The following RAB32 variants were observed in gnomAD, a reference collection of about 807,000 sequenced individuals.
RAB32 encodes the protein RAB32, member RAS oncogene family.
In RAB32, 17 loss-of-function variants were observed where a neutral mutation model predicts 17.5. That is an observed-to-expected ratio of 0.97 (90% confidence interval 0.67 to 1.46). RAB32 has a LOEUF of 1.46. Among genes scored for constraint, RAB32 ranks in the 40% most tolerant of loss-of-function variants. RAB32 has a pLI of 0.00. For missense variants in RAB32, 288 were observed against 284.3 expected, an observed-to-expected ratio of 1.01 and a Z score of -0.09; for synonymous variants, 115 against 111.1, an observed-to-expected ratio of 1.04 and a Z score of -0.22.
chr6:146,550,663 A>AG (rs1159976021), intron 2 of RAB32, among the ~76,000 whole-genome samples: 1 of 150,564 alleles, frequency 6.6e-6, no homozygotes, highest in Non-Finnish European at 1.5e-5. Context: ...TCTCAAAAAA[A>AG]AAAAAATCTT....
In RAB32 at chr6:146,554,557, G is replaced by C. The variant is rs1199601420; in HGVS notation, c.630G>C (p.Lys210Asn). 2 of 1,613,682 alleles carry C rather than the reference G, an allele frequency of 1.2e-6. No homozygotes were observed. The highest frequency in any genetic ancestry group is 1.7e-6 in the Non-Finnish European group (2 of 1,179,830). The stretch of plus-strand genomic sequence containing the variant: ...AAGAAAACGATGTGGACAAAATTAA[G>C]CTAGATCAAGAGACCTTGAGAGCAG... ...PNEENDVDKIKLDQETLRAEN... is the reference protein window; with the variant it reads ...PNEENDVDKINLDQETLRAEN... Residue 210 changes from lysine to asparagine, a missense_variant, in exon 3 of 3, where the codon AAG (lysine) becomes AAC (asparagine). Coordinates refer to ENST00000367495, the MANE Select transcript of RAB32 (RefSeq NM_006834.5).
Position 146,552,652 on chromosome 6 carries a change from A to G in RAB32, c.529-1804A>G, listed in dbSNP as rs185333145. Among the ~76,000 whole-genome samples the G allele has an allele frequency of 4.1e-3, 621 of 152,334 alleles. 5 individuals carry two copies. Among genetic ancestry groups the G allele is most frequent in the African/African-American group, 0.014 (568 of 41,578 alleles). On this transcript the variant is annotated intron_variant, in intron 2 of 2. Transcript: ENST00000367495. ...AGTTGATACAGATGCATGTGTGTATACATACGTTTATTTACTAGCCATACC... is the reference window on the plus strand; with the variant it reads ...AGTTGATACAGATGCATGTGTGTATGCATACGTTTATTTACTAGCCATACC...
In RAB32 at chr6:146,554,749, A is replaced by G; in HGVS notation, c.*144A>G. ...ACTGGGCGCCTGCACTTATTTGAAA[A>G]TGGAACTTTGGGAGAAGTATCCCTG... On this transcript the variant is annotated 3_prime_UTR_variant, in exon 3 of 3. Transcript: ENST00000367495. The G allele has an allele frequency of 2.5e-6, 2 of 812,626 alleles. No homozygotes were observed. The highest frequency in any genetic ancestry group is 3.7e-6 in the Non-Finnish European group (2 of 540,962). 50.3% of individuals were successfully genotyped at this position (812,626 alleles called of 1,614,324 possible). A position where few individuals can be genotyped will look rare whatever the true frequency, so the allele number is the denominator to read the frequency against.
rs764441357 is a variant in RAB32, at chr6:146,549,746, G to T, written c.528+5G>T. 8.1e-6 allele frequency: 13 copies of T among 1,611,756 alleles called. No homozygotes were observed. The highest frequency in any genetic ancestry group is 1.7e-4 in the Middle Eastern group (1 of 6,040). ...TGGTTTGAAACCTCTGCAAAGGTGA[G>T]ATCTGCTTTGCTTATGCATCTTTTG... On this transcript the variant is annotated splice_donor_5th_base_variant and intron_variant, in intron 2 of 2. Coordinates refer to ENST00000367495, the MANE Select transcript of RAB32 (RefSeq NM_006834.5).
chr6:146,544,882 C>T (rs1206630164), intron 1 of RAB32, among the ~76,000 whole-genome samples: 2 of 145,332 alleles, frequency 1.4e-5, no homozygotes, highest in Non-Finnish European at 3.0e-5. Context: ...AACACTTGAA[C>T]TTTGCCTGGT....
At chr6:146,549,796 G>A in intron 2 of RAB32, 55 bp downstream of exon 2, 2 of 1,534,180 alleles carry the variant, frequency 1.3e-6, no homozygotes, top group Non-Finnish European at 8.9e-7. Flanking sequence ...ATTCTGAGCT[G>A]TAAATGTAAA....
chr6:146,549,761 T>C lies in RAB32; in HGVS notation c.528+20T>C. ...GCAAAGGTGAGATCTGCTTTGCTTATGCATCTTTTGCTTTCTAGCTCATAA... is the reference window on the plus strand; with the variant it reads ...GCAAAGGTGAGATCTGCTTTGCTTACGCATCTTTTGCTTTCTAGCTCATAA... On this transcript the variant is annotated intron_variant, in intron 2 of 2. Transcript: ENST00000367495. 1 of 1,602,986 alleles carries C rather than the reference T, an allele frequency of 6.2e-7. No homozygotes were observed. Among genetic ancestry groups the C allele is most frequent in the Non-Finnish European group, 8.5e-7 (1 of 1,173,088 alleles).
chr6:146,554,491 A>G lies in RAB32; in HGVS notation c.564A>G (p.Leu188=), dbSNP rs1779935095. 2 of 1,613,430 alleles carry G rather than the reference A, an allele frequency of 1.2e-6. No individual in the cohort carries two copies. The highest frequency in any genetic ancestry group is 1.7e-6 in the Non-Finnish European group (2 of 1,179,696). The change falls in exon 3 of 3, where the codon CTA becomes CTG. Residue 188 remains leucine (L), a synonymous_variant. Coordinates refer to ENST00000367495, the MANE Select transcript of RAB32 (RefSeq NM_006834.5). ...NINIEEAARF[L]VEKILVNHQS... is the part of the protein sequence containing the mutation. ...ACATAGAGGAAGCTGCCCGGTTCCT[A>G]GTGGAGAAGATTCTTGTAAACCACC... is the stretch of plus-strand genomic sequence containing the variant.
intron 1 of RAB32, among the ~76,000 whole-genome samples, chr6:146,548,371 A>T (rs1183408504): frequency 6.6e-6 from 1 of 152,220 alleles, no homozygotes; most frequent in African/African-American, 2.4e-5. Context: ...GAAGAATTTT[A>T]TATTTTGGGG....
At chr6:146,546,444 A>C (rs987047692) in intron 1 of RAB32, among the ~76,000 whole-genome samples, 10 of 145,740 alleles carry the variant, frequency 6.9e-5, no homozygotes, top group Admixed American at 2.0e-4. Context: ...AAAAAAAAAC[A>C]AAAAAAACTG....
At position 146,543,847 on chromosome 6, in the gene RAB32, G is replaced by A; in HGVS notation, c.-25G>A. On this transcript the variant is annotated 5_prime_UTR_variant, in exon 1 of 3. Coordinates refer to ENST00000367495, the MANE Select transcript of RAB32 (RefSeq NM_006834.5). ...GGCAGGGGGCCAGACTCGGAGTCGA[G>A]GCGCGCCCGACAGCCGCAGCGCTCA... The A allele has an allele frequency of 4.4e-6, 6 of 1,355,074 alleles. No individual in the cohort carries two copies. Among genetic ancestry groups the A allele is most frequent in the Non-Finnish European group, 5.7e-6 (6 of 1,052,580 alleles). 83.9% of individuals were successfully genotyped at this position (1,355,074 alleles called of 1,614,324 possible). A position where few individuals can be genotyped will look rare whatever the true frequency, so the allele number is the denominator to read the frequency against.
At chr6:146,546,217 CA>C (rs1779817082) in intron 1 of RAB32, among the ~76,000 whole-genome samples, 1 of 151,910 alleles carries the variant, frequency 6.6e-6, no homozygotes, top group Non-Finnish European at 1.5e-5. Context: ...GGAAGGAAAA[CA>C]AAAGTTTAAG....
rs199705404 is a variant in RAB32, at chr6:146,550,725, G to T, written c.528+984G>T. 2.0e-4 allele frequency among the ~76,000 whole-genome samples: 20 copies of T among 101,710 alleles called. No homozygotes were observed. The South Asian group carries it at 2.3e-3, about 12-fold the overall frequency. The allele number at this position is 101,710 out of a possible 152,430, so 66.7% of individuals were successfully genotyped here. A position where few individuals can be genotyped will look rare whatever the true frequency, so the allele number is the denominator to read the frequency against. On this transcript the variant is annotated intron_variant, in intron 2 of 2. Coordinates refer to ENST00000367495, the MANE Select transcript of RAB32 (RefSeq NM_006834.5). ...AAAATTATACATATATAAAATGTTTGGGGGGGGGGTTACGTGCATTGGAAC... is the reference window on the plus strand; with the variant it reads ...AAAATTATACATATATAAAATGTTTTGGGGGGGGGTTACGTGCATTGGAAC...
chr6:146,553,320 T>C (rs1045370992), intron 2 of RAB32, among the ~76,000 whole-genome samples: 1 of 152,170 alleles, frequency 6.6e-6, no homozygotes, highest in Non-Finnish European at 1.5e-5. Flanking sequence ...TTGCACTAAG[T>C]ACAAAGGGAA....
At chr6:146,548,710 G>A (rs755522590) in intron 1 of RAB32, among the ~76,000 whole-genome samples, 2 of 152,168 alleles carry the variant, frequency 1.3e-5, no homozygotes, top group African/African-American at 2.4e-5. Context: ...GAAAAGAAGG[G>A]TCTTTCCTAT....
At position 146,544,101 on chromosome 6, in the gene RAB32, T is replaced by C. The variant is rs1488673100; in HGVS notation, c.230T>C (p.Leu77Pro). 2.5e-6 allele frequency: 4 copies of C among 1,612,402 alleles called. No homozygotes were observed. Among genetic ancestry groups the C allele is most frequent in the Non-Finnish European group, 2.5e-6 (3 of 1,179,268 alleles). Reference sequence around the variant, plus strand: ...TGGGACAGCAGGACTCTGGTGCGCCTGCAGCTGTGGGACATCGCGGGTAAG... The same window carrying C: ...TGGGACAGCAGGACTCTGGTGCGCCCGCAGCTGTGGGACATCGCGGGTAAG... ...LNWDSRTLVR[L>P]QLWDIAGQER... Residue 77 changes from leucine to proline, a missense_variant, in exon 1 of 3, where the codon CTG (leucine) becomes CCG (proline). By Grantham distance (98) the Leu-to-Pro change is moderately conservative. Transcript: ENST00000367495.
In RAB32 at chr6:146,554,568, A is replaced by G; in HGVS notation, c.641A>G (p.Glu214Gly). The change falls in exon 3 of 3, where the codon GAG becomes GGG. Residue 214 changes from glutamate (E) to glycine (G), a missense_variant. Physicochemically the swap from Glu to Gly is moderately conservative, Grantham distance 98. Transcript: ENST00000367495. ...NDVDKIKLDQETLRAENKSQC... is the reference protein window; with the variant it reads ...NDVDKIKLDQGTLRAENKSQC... ...GTGGACAAAATTAAGCTAGATCAAG[A>G]GACCTTGAGAGCAGAGAACAAATCC... 1 of 1,613,754 alleles carries G rather than the reference A, an allele frequency of 6.2e-7. No homozygotes were observed. The highest frequency in any genetic ancestry group is 1.1e-5 in the South Asian group (1 of 91,022).
Position 146,554,645 on chromosome 6 carries a change from A to G in RAB32, c.*40A>G. 1.3e-6 allele frequency: 2 copies of G among 1,578,618 alleles called. No individual in the cohort carries two copies. Among genetic ancestry groups the G allele is most frequent in the African/African-American group, 1.4e-5 (1 of 73,284 alleles). On this transcript the variant is annotated 3_prime_UTR_variant, in exon 3 of 3. Coordinates refer to ENST00000367495, the MANE Select transcript of RAB32 (RefSeq NM_006834.5). ...TTCTCTTGTGTGTGCCTCAGCTCTGAAGAAGTTCCTGAGAATGGGTTACAG... is the reference window on the plus strand; with the variant it reads ...TTCTCTTGTGTGTGCCTCAGCTCTGGAGAAGTTCCTGAGAATGGGTTACAG...
At chr6:146,553,285 G>A (rs766711818) in intron 2 of RAB32, among the ~76,000 whole-genome samples, 11 of 152,068 alleles carry the variant, frequency 7.2e-5, no homozygotes, top group Non-Finnish European at 1.6e-4. Context: ...GGAAAAGTGC[G>A]GTGAGAAACA....
Sources: gnomAD v4.1 joint callset for allele counts (sites outside exome capture counted in the v4.1 genomes callset) on GRCh38, gnomAD v4.1.1 for gene constraint, MANE v1.5 for transcripts, NCBI Gene and HGNC (gene_info 2026-07-23, HGNC 2026-07-21) for gene names.